Variants in EPB41 observed in about 807,000 individuals in gnomAD.
EPB41 encodes erythrocyte membrane protein band 4.1, also known as protein 4.1.
EPB41 carries 65 observed loss-of-function variants against 108.0 expected under a neutral mutation model. The observed-to-expected ratio is 0.60, with a 90% CI of 0.49 to 0.74. EPB41 has a LOEUF of 0.74. Among genes scored for constraint, EPB41 ranks in the 30% least tolerant of loss-of-function variants. The probability of loss-of-function intolerance (pLI) is 0.00; values close to 1 mark genes in which losing one functional copy is unlikely to be tolerated. For synonymous variants in EPB41, 336 were observed against 358.9 expected, an observed-to-expected ratio of 0.94 and a Z score of 0.72; for missense variants, 875 against 1,037.0, an observed-to-expected ratio of 0.84 and a Z score of 2.15.
At chr1:28,936,418 G>C (rs1227140037) in intron 1 of EPB41, among the ~76,000 whole-genome samples, 1 of 151,962 alleles carries the variant, frequency 6.6e-6, no homozygotes, top group East Asian at 1.9e-4. Context: ...AAAAAATTGA[G>C]ATATAATTTA....
intron 1 of EPB41, among the ~76,000 whole-genome samples, chr1:28,904,856 AC>A (rs2091642967): frequency 6.6e-6 from 1 of 151,438 alleles, no homozygotes; most frequent in South Asian, 2.1e-4. Flanking sequence ...ACACGGTGAA[AC>A]CCCATCTCTA....
At chr1:29,109,522 A>G (rs932451051) in intron 18 of EPB41, 85 bp downstream of exon 18, 9 of 1,116,310 alleles carry the variant, frequency 8.1e-6, no homozygotes, top group African/African-American at 3.1e-5. Context: ...ACCCTAGTCC[A>G]TAAGCAAATA....
intron 1 of EPB41, among the ~76,000 whole-genome samples, chr1:28,938,569 G>A (rs1228316324): frequency 3.3e-5 from 5 of 149,388 alleles, no homozygotes; most frequent in Non-Finnish European, 5.9e-5. Context: ...ATCTGGCTGC[G>A]TCATCCAGGC....
chr1:28,940,170 T>C (rs900695011), intron 1 of EPB41, among the ~76,000 whole-genome samples: 4 of 152,178 alleles, frequency 2.6e-5, no homozygotes, highest in African/African-American at 9.7e-5. Flanking sequence ...AAACAAATCG[T>C]ACATCAGGGA....
At chr1:29,044,977 T>A (rs1267731362) in intron 11 of EPB41, among the ~76,000 whole-genome samples, 2 of 152,256 alleles carry the variant, frequency 1.3e-5, no homozygotes, top group Non-Finnish European at 2.9e-5. Context: ...CTTGTATTGA[T>A]CTTTGTGTAC....
intron 1 of EPB41, among the ~76,000 whole-genome samples, chr1:28,983,877 G>A (rs1005060470): frequency 6.6e-6 from 1 of 152,140 alleles, no homozygotes; most frequent in Admixed American, 6.5e-5. Flanking sequence ...GGGCCAGTGT[G>A]ACAGCCTTTT....
At chr1:28,990,777 T>G (rs561816211) in intron 2 of EPB41, among the ~76,000 whole-genome samples, 2 of 152,284 alleles carry the variant, frequency 1.3e-5, no homozygotes, top group African/African-American at 4.8e-5. Flanking sequence ...AATCCATATC[T>G]TGTTTTAGTT....
chr1:28,993,374 G>A lies in EPB41; in HGVS notation c.513G>A (p.Lys171=). 6.2e-7 allele frequency: 1 copy of A among 1,613,460 alleles called. No homozygotes were observed. Among genetic ancestry groups the A allele is most frequent in the Non-Finnish European group, 8.5e-7 (1 of 1,179,984 alleles). Residue 171 remains lysine, a synonymous_variant, in exon 3 of 21, where the codon AAG becomes AAA. Transcript: ENST00000343067. ...GAGAAGATCCAGATTTTGAAATTAA[G>A]GAAGGAGAAGGACTTGAAGAGTGCT... The part of the protein sequence containing the change: ...ELREDPDFEI[K]EGEGLEECSK...
At chr1:28,892,093 C>CAAAAAAAA (rs748788169) in intron 1 of EPB41, among the ~76,000 whole-genome samples, 8 of 69,766 alleles carry the variant, frequency 1.1e-4, no homozygotes, top group Non-Finnish European at 1.5e-4. Flanking sequence ...GACTGCATCT[C>CAAAAAAAA]AAAAAAAAAA....
intron 7 of EPB41, among the ~76,000 whole-genome samples, chr1:29,029,671 A>G (rs2096764685): frequency 6.6e-6 from 1 of 152,210 alleles, no homozygotes; most frequent in Non-Finnish European, 1.5e-5. Flanking sequence ...TTTATAGAGG[A>G]GAAGAAAAGA....
intron 17 of EPB41, among the ~76,000 whole-genome samples, chr1:29,098,386 G>A (rs1042699880): frequency 6.6e-5 from 10 of 152,058 alleles, no homozygotes; most frequent in African/African-American, 9.7e-5. Flanking sequence ...CAGTAGAGAC[G>A]GGGTTTCACC....
intron 16 of EPB41, among the ~76,000 whole-genome samples, chr1:29,067,404 G>C (rs1648641647): frequency 6.7e-6 from 1 of 150,188 alleles, no homozygotes; most frequent in Non-Finnish European, 1.5e-5. Context: ...GCTGAGGCAG[G>C]AGAATGGCGT....
intron 1 of EPB41, among the ~76,000 whole-genome samples, chr1:28,915,815 A>T (rs1570479943): frequency 6.8e-6 from 1 of 146,458 alleles, no homozygotes; most frequent in East Asian, 2.1e-4. Flanking sequence ...AATTGCAAGA[A>T]ATGGTTGTGT....
At chr1:28,956,335 A>G (rs558789304) in intron 1 of EPB41, among the ~76,000 whole-genome samples, 60 of 152,236 alleles carry the variant, frequency 3.9e-4, no homozygotes, top group African/African-American at 1.4e-3. Context: ...CAACAAAGGC[A>G]AGAGAGAGAG....
intron 15 of EPB41, among the ~76,000 whole-genome samples, chr1:29,061,598 T>TTTTTA (rs1646582569): frequency 6.9e-6 from 1 of 145,168 alleles, no homozygotes; most frequent in Non-Finnish European, 1.5e-5. Flanking sequence ...TTTTTTTTTT[T>TTTTTA]GAGGCGGGTC....
At chr1:28,938,722 T>A (rs943353640) in intron 1 of EPB41, among the ~76,000 whole-genome samples, 4 of 152,020 alleles carry the variant, frequency 2.6e-5, no homozygotes, top group Admixed American at 6.6e-5. Context: ...TCTGAGAGAC[T>A]AGGTTTCGCC....
At chr1:28,904,133 G>A (rs1448347151) in intron 1 of EPB41, among the ~76,000 whole-genome samples, 1 of 150,252 alleles carries the variant, frequency 6.7e-6, no homozygotes, top group Non-Finnish European at 1.5e-5. Flanking sequence ...CCAAAGTGTT[G>A]AGATTACAGG....
At chr1:29,092,301 T>C (rs1304752330) in intron 16 of EPB41, among the ~76,000 whole-genome samples, 2 of 152,006 alleles carry the variant, frequency 1.3e-5, no homozygotes, top group Non-Finnish European at 2.9e-5. Context: ...TTCTCCATGT[T>C]GGACAGACTC....
intron 7 of EPB41, among the ~76,000 whole-genome samples, chr1:29,024,537 G>A (rs938403766): frequency 6.6e-6 from 1 of 151,874 alleles, no homozygotes; most frequent in African/African-American, 2.4e-5. Context: ...GGAGGCTGAG[G>A]CAGAGAATTG....
Sources: gnomAD v4.1 joint callset for allele counts (sites outside exome capture counted in the v4.1 genomes callset) on GRCh38, gnomAD v4.1.1 for gene constraint, MANE v1.5 for transcripts, NCBI Gene and HGNC (gene_info 2026-07-23, HGNC 2026-07-21) for gene names.